Variants in NRG1 observed in about 807,000 individuals in gnomAD.
NRG1 encodes pro-neuregulin-1, membrane-bound isoform.
A neutral mutation model predicts 63.8 loss-of-function variants in NRG1; 18 were observed. That is an observed-to-expected ratio of 0.28 (90% CI 0.19 to 0.42). The LOEUF (loss-of-function observed/expected upper bound fraction) is 0.42. Among genes scored for constraint, NRG1 ranks in the 10% least tolerant of loss-of-function variants. NRG1 has a pLI of 1.00. For missense variants in NRG1, 762 were observed against 814.7 expected, an observed-to-expected ratio of 0.94 and a Z score of 0.79; for synonymous variants, 302 against 301.3, an observed-to-expected ratio of 1.00 and a Z score of -0.02.
chr8:32,127,088 T>C (rs2131597145), intron 1 of NRG1, among the ~76,000 whole-genome samples: 1 of 152,074 alleles, frequency 6.6e-6, no homozygotes, highest in South Asian at 2.1e-4. Context: ...TCTGTATGTA[T>C]GTAGTTTCCT....
chr8:32,476,605 G>A (rs1273028764), intron 1 of NRG1, among the ~76,000 whole-genome samples: 1 of 152,146 alleles, frequency 6.6e-6, no homozygotes, highest in Non-Finnish European at 1.5e-5. Context: ...TTTGATTCCG[G>A]AAATTATATG....
chr8:32,031,926 G>A (rs1283872775), intron 1 of NRG1, among the ~76,000 whole-genome samples: 3 of 152,210 alleles, frequency 2.0e-5, no homozygotes, highest in South Asian at 2.1e-4. Flanking sequence ...GAACATACAC[G>A]TGCATGTATC....
chr8:32,617,271 G>A (rs999980576), intron 5 of NRG1, among the ~76,000 whole-genome samples: 1 of 152,150 alleles, frequency 6.6e-6, no homozygotes, highest in Non-Finnish European at 1.5e-5. Flanking sequence ...CAGCTGTTTG[G>A]AGCTTCCGTT....
At chr8:31,804,294 G>C (rs1359488076) in intron 1 of NRG1, among the ~76,000 whole-genome samples, 1 of 152,170 alleles carries the variant, frequency 6.6e-6, no homozygotes, top group Non-Finnish European at 1.5e-5. Context: ...AAGCATCCCA[G>C]CCTGTCTAGT....
intron 1 of NRG1, among the ~76,000 whole-genome samples, chr8:32,024,280 G>A (rs1388299245): frequency 1.3e-5 from 2 of 152,238 alleles, no homozygotes; most frequent in Non-Finnish European, 2.9e-5. Context: ...TTAAAGGGAA[G>A]TGAGTGGAAA....
intron 1 of NRG1, among the ~76,000 whole-genome samples, chr8:31,847,415 G>T (rs972939032): frequency 5.9e-5 from 9 of 152,104 alleles, no homozygotes; most frequent in Non-Finnish European, 1.3e-4. Context: ...ATGAGCTATG[G>T]GTTACATAGT....
intron 1 of NRG1, among the ~76,000 whole-genome samples, chr8:32,352,450 G>A (rs918859836): frequency 3.3e-5 from 5 of 151,134 alleles, no homozygotes; most frequent in Non-Finnish European, 7.4e-5. Context: ...GTTGGCAATG[G>A]ACTCTTTAGT....
intron 1 of NRG1, among the ~76,000 whole-genome samples, chr8:32,198,582 C>T (rs1383487456): frequency 6.6e-6 from 1 of 152,150 alleles, no homozygotes; most frequent in Non-Finnish European, 1.5e-5. Flanking sequence ...TCTTTCTCCA[C>T]CATCTAGAAA....
At chr8:31,906,358 A>C (rs1199873741) in intron 1 of NRG1, among the ~76,000 whole-genome samples, 1 of 152,174 alleles carries the variant, frequency 6.6e-6, no homozygotes. Context: ...AAAATCCTTC[A>C]GTTTTATTGT....
chr8:32,415,653 G>T (rs1406153511), intron 1 of NRG1, among the ~76,000 whole-genome samples: 2 of 152,166 alleles, frequency 1.3e-5, no homozygotes, highest in Non-Finnish European at 2.9e-5. Context: ...AATGGCTGTA[G>T]CTTCTCTAAC....
chr8:31,834,330 C>CACACACACACACAT (rs34893626), intron 1 of NRG1, among the ~76,000 whole-genome samples: 132 of 151,482 alleles, frequency 8.7e-4, no homozygotes, highest in South Asian at 2.1e-3. Context: ...CACACACACA[C>CACACACACACACAT]GCACACCAAT....
intron 1 of NRG1, among the ~76,000 whole-genome samples, chr8:31,856,182 C>T (rs1307805224): frequency 6.6e-6 from 1 of 151,992 alleles, no homozygotes; most frequent in South Asian, 2.1e-4. Context: ...TGGGGAAGTT[C>T]TCCTGGATAA....
chr8:32,626,794 G>A (rs879902642), intron 5 of NRG1, among the ~76,000 whole-genome samples: 2 of 152,138 alleles, frequency 1.3e-5, no homozygotes, highest in African/African-American at 2.4e-5. Context: ...GCCAAGGCGG[G>A]CGGATCACTT....
chr8:32,315,932 T>G (rs1207240172), intron 1 of NRG1, among the ~76,000 whole-genome samples: 2 of 144,342 alleles, frequency 1.4e-5, no homozygotes, highest in Non-Finnish European at 2.9e-5. Context: ...TCATGTACCC[T>G]GTATTTTGCT....
chr8:31,787,967 T>C (rs2131642773), intron 1 of NRG1, among the ~76,000 whole-genome samples: 1 of 152,278 alleles, frequency 6.6e-6, no homozygotes, highest in South Asian at 2.1e-4. Flanking sequence ...ATCTTCACAA[T>C]GGCTCTACTA....
intron 1 of NRG1, among the ~76,000 whole-genome samples, chr8:32,360,377 C>A (rs1246251167): frequency 6.6e-6 from 1 of 152,134 alleles, no homozygotes; most frequent in Non-Finnish European, 1.5e-5. Context: ...ATGCTAAATA[C>A]CAATTCTCTT....
chr8:32,647,188 G>C (rs1046475757), intron 5 of NRG1: 2 of 985,340 alleles, frequency 2.0e-6, no homozygotes, highest in Non-Finnish European at 2.4e-6. Context: ...CCGTCGTCGC[G>C]TTAACACAAC....
chr8:32,419,321 C>T (rs4449747), intron 1 of NRG1, among the ~76,000 whole-genome samples: 145,349 of 152,266 alleles, frequency 0.95, 69,709 homozygotes, highest in East Asian at 1. Context: ...TTGCAGTAGG[C>T]GTTGGAACAG....
intron 1 of NRG1, among the ~76,000 whole-genome samples, chr8:32,226,884 C>T (rs1400676603): frequency 1.3e-5 from 2 of 152,154 alleles, no homozygotes; most frequent in African/African-American, 4.8e-5. Flanking sequence ...TAACTCAGCT[C>T]ACTGCTGATT....
Sources: allele counts gnomAD v4.1 joint callset (sites outside exome capture counted in the v4.1 genomes callset), GRCh38; gene constraint gnomAD v4.1.1; transcripts MANE v1.5; gene names NCBI Gene and HGNC (gene_info 2026-07-23, HGNC 2026-07-21).